The following ANKMY1 variants were observed in gnomAD, a reference collection of about 807,000 sequenced individuals.
ANKMY1 encodes the protein ankyrin repeat and MYND domain containing 1.
In ANKMY1, 98 loss-of-function variants were observed where a neutral mutation model predicts 102.0. That is an observed-to-expected ratio of 0.96 (90% CI 0.82 to 1.14). The LOEUF (loss-of-function observed/expected upper bound fraction) is 1.14. Among genes scored for constraint, ANKMY1 ranks in the 50% most tolerant of loss-of-function variants. The pLI is 0.00. For missense variants in ANKMY1, 1,330 were observed against 1,347.6 expected, an observed-to-expected ratio of 0.99 and a Z score of 0.20; for synonymous variants, 582 against 559.9, an observed-to-expected ratio of 1.04 and a Z score of -0.56.
chr2:240,492,760 G>A (rs1036794569), intron 15 of ANKMY1, among the ~76,000 whole-genome samples: 13 of 151,964 alleles, frequency 8.6e-5, no homozygotes, highest in East Asian at 1.9e-4. Context: ...GCACGATCTC[G>A]GCTCACTGCA....
chr2:240,526,462 T>C lies in ANKMY1; in HGVS notation c.954-17A>G, dbSNP rs938915319. 2.5e-6 allele frequency: 4 copies of C among 1,613,718 alleles called. No individual in the cohort carries two copies. The highest frequency in any genetic ancestry group is 1.3e-5 in the African/African-American group (1 of 74,884). On this transcript the variant is annotated splice_polypyrimidine_tract_variant and intron_variant, in intron 5 of 17. Transcript: ENST00000401804. ...GGCTTGTTCCTGGCAACACAACAAG[T>C]TTCAGTGGTCCTAGACCAGGTTCTG...
rs574380296 is a variant in ANKMY1, at chr2:240,529,778, G to C, written c.481-269C>G. Reference sequence around the variant, plus strand: ...GAGGTCTCAGTGGCCTCTGAGGTGAGGACATGATGGAAGTCTCATGGTGAA... The same window carrying C: ...GAGGTCTCAGTGGCCTCTGAGGTGACGACATGATGGAAGTCTCATGGTGAA... On this transcript the variant is annotated intron_variant, in intron 4 of 17. Coordinates refer to ENST00000401804, the MANE Select transcript of ANKMY1 (RefSeq NM_001282771.3). The surrounding 1 kb of genome is among the most constrained non-coding windows in gnomAD (Gnocchi z 4.2). Among the ~76,000 whole-genome samples, 1 of 152,256 alleles carries C rather than the reference G, an allele frequency of 6.6e-6. No individual in the cohort carries two copies. The highest frequency in any genetic ancestry group is 2.1e-4 in the South Asian group (1 of 4,828).
chr2:240,524,529 C>G, intron 7 of ANKMY1, 148 bp from the exon 8 acceptor site: 3 of 903,832 alleles, frequency 3.3e-6, no homozygotes, highest in Non-Finnish European at 4.9e-6. Flanking sequence ...TTCCCCAAAC[C>G]CTCAAAGAGA....
intron 4 of ANKMY1, 71 bp downstream of exon 4, chr2:240,552,843 A>G: frequency 6.2e-7 from 1 of 1,607,678 alleles, no homozygotes; most frequent in East Asian, 2.2e-5. Context: ...GGACCGAAAT[A>G]TCTTTTTGTC....
chr2:240,504,259 C>A (rs1286951923), intron 13 of ANKMY1, among the ~76,000 whole-genome samples: 2 of 152,220 alleles, frequency 1.3e-5, no homozygotes, highest in African/African-American at 4.8e-5. Context: ...AGCCAGGGCA[C>A]CCCTAGGGTT....
intron 9 of ANKMY1, among the ~76,000 whole-genome samples, chr2:240,519,376 CA>C (rs2081735481): frequency 1.3e-5 from 2 of 152,208 alleles, no homozygotes; most frequent in African/African-American, 4.8e-5. Context: ...TGAAATACAA[CA>C]GATAACGTCA....
At chr2:240,519,465 C>T (rs1292351189) in intron 9 of ANKMY1, among the ~76,000 whole-genome samples, 1 of 152,202 alleles carries the variant, frequency 6.6e-6, no homozygotes, top group Admixed American at 6.5e-5. Context: ...CCCTGTGAAC[C>T]TAACGAGGCC....
chr2:240,551,342 A>G lies in ANKMY1; in HGVS notation c.480+1572T>C, dbSNP rs557419223. Among the ~76,000 whole-genome samples, 3 of 152,306 alleles carry G rather than the reference A, an allele frequency of 2.0e-5. No individual in the cohort carries two copies. The South Asian group carries it at 6.2e-4, about 32-fold the overall frequency. On this transcript the variant is annotated intron_variant, in intron 4 of 17. Coordinates refer to ENST00000401804, the MANE Select transcript of ANKMY1 (RefSeq NM_001282771.3). Reference sequence around the variant, plus strand: ...TCCAGAATTTTTAAACTATTTGTGAATATTCTTAATTCATGGCAACGTGTT... The same window carrying G: ...TCCAGAATTTTTAAACTATTTGTGAGTATTCTTAATTCATGGCAACGTGTT...
intron 15 of ANKMY1, among the ~76,000 whole-genome samples, chr2:240,489,830 G>T (rs2076438661): frequency 1.3e-5 from 2 of 152,336 alleles, no homozygotes; most frequent in South Asian, 4.1e-4. Flanking sequence ...GGTTTCAGGA[G>T]GATTGGTATT....
Position 240,511,962 on chromosome 2 carries a change from G to A in ANKMY1, c.2185C>T (p.Pro729Ser), listed in dbSNP as rs539886342. The change falls in exon 11 of 18, where the codon CCA becomes TCA. Residue 729 changes from proline (P) to serine (S), a missense_variant. Pro to Ser is a moderately conservative substitution (Grantham distance 74). Transcript: ENST00000401804. ...CTGTAGTAGGCTTGGGGAGGGCCTG[G>A]CTCATTGCTGAGCTTCAGACTTGAG... ...LPSSLKLSNEPGPPQAYYSTD... is the reference protein window; with the variant it reads ...LPSSLKLSNESGPPQAYYSTD... The A allele has an allele frequency of 1.3e-5, 20 of 1,564,374 alleles. 1 individual carries two copies. In the Admixed American group the frequency reaches 3.9e-4, roughly 30 times the overall value.
chr2:240,520,504 A>G lies in ANKMY1; in HGVS notation c.1862T>C (p.Leu621Pro). The change falls in exon 9 of 18, where the codon CTG becomes CCG. Residue 621 changes from leucine to proline, a missense_variant. By Grantham distance (98) the Leu-to-Pro change is moderately conservative. Coordinates refer to ENST00000401804, the MANE Select transcript of ANKMY1 (RefSeq NM_001282771.3). The surrounding 1 kb of genome is among the most constrained non-coding windows in gnomAD (Gnocchi z 4.8). Reference protein sequence around the residue: ...ERRKRWRTIKLLLRRGADPNL... With the variant: ...ERRKRWRTIKPLLRRGADPNL... ...GGGGTCCGCGCCCCGGCGCAGCAGC[A>G]GCTTGATGGTCCGCCAGCGCTTCCT... The G allele has an allele frequency of 6.2e-7, 1 of 1,612,882 alleles. No homozygotes were observed. Among genetic ancestry groups the G allele is most frequent in the East Asian group, 2.2e-5 (1 of 44,880 alleles).
intron 4 of ANKMY1, among the ~76,000 whole-genome samples, chr2:240,533,034 G>A (rs1186719808): frequency 6.6e-6 from 1 of 152,192 alleles, no homozygotes; most frequent in African/African-American, 2.4e-5. Context: ...ATGGATCCCA[G>A]TAGCAGCATA....
intron 13 of ANKMY1, 71 bp downstream of exon 13, chr2:240,507,489 C>A: frequency 1.3e-6 from 2 of 1,515,116 alleles, no homozygotes; most frequent in Non-Finnish European, 8.9e-7. Context: ...AGCCCTCACA[C>A]CCCTCACTCA....
chr2:240,483,290 G>A (rs776537210), intron 15 of ANKMY1, among the ~76,000 whole-genome samples: 1 of 152,074 alleles, frequency 6.6e-6, no homozygotes, highest in East Asian at 1.9e-4. Context: ...CTGAGTAGCT[G>A]GGATTACAGG....
chr2:240,520,615 G>A lies in ANKMY1; in HGVS notation c.1833-82C>T. ...AGAACGGGGCCATGCCAGCGAGGAG[G>A]CTGGGGAGGGGCGCGTAGGGAGTAT... On this transcript the variant is annotated intron_variant, in intron 8 of 17. Transcript: ENST00000401804. The surrounding 1 kb of genome is among the most constrained non-coding windows in gnomAD (Gnocchi z 4.8). The A allele has an allele frequency of 2.0e-6, 3 of 1,491,708 alleles. No individual in the cohort carries two copies. Among genetic ancestry groups the A allele is most frequent in the Admixed American group, 2.3e-5 (1 of 42,956 alleles). The allele number at this position is 1,491,708 out of a possible 1,614,324, so 92.4% of individuals were successfully genotyped here.
At chr2:240,478,512 C>G (rs1273787620), downstream of ANKMY1, among the ~76,000 whole-genome samples, 6 of 152,094 alleles carry the variant, frequency 3.9e-5, no homozygotes, top group Non-Finnish European at 8.8e-5. Context: ...CACACAGTTA[C>G]GACCCTCCCA....
chr2:240,498,356 G>A (rs900046725), intron 15 of ANKMY1, among the ~76,000 whole-genome samples: 50 of 151,886 alleles, frequency 3.3e-4, no homozygotes, highest in Non-Finnish European at 6.3e-4. Flanking sequence ...TGGGAGGTGG[G>A]TGTGGGGTGT....
chr2:240,513,453 G>A (rs961131746), intron 9 of ANKMY1, among the ~76,000 whole-genome samples: 4 of 152,258 alleles, frequency 2.6e-5, no homozygotes, highest in Admixed American at 6.5e-5. Flanking sequence ...CAGCCCTGCC[G>A]TCCTAAGGGA....
In ANKMY1 at chr2:240,500,896, C is replaced by T. The variant is rs114075338; in HGVS notation, c.2527-331G>A. Among the ~76,000 whole-genome samples the T allele has an allele frequency of 8.1e-3, 1,231 of 152,364 alleles. 19 individuals are homozygous for T. The highest frequency in any genetic ancestry group is 0.027 in the African/African-American group (1,127 of 41,588). ...CCATTACAGTCCTGCTCCCCTCAGGCTGTCAGTGACATGAGGCAGACACCG... is the reference window on the plus strand; with the variant it reads ...CCATTACAGTCCTGCTCCCCTCAGGTTGTCAGTGACATGAGGCAGACACCG... On this transcript the variant is annotated intron_variant, in intron 13 of 17. Coordinates refer to ENST00000401804, the MANE Select transcript of ANKMY1 (RefSeq NM_001282771.3).
Sources: allele counts gnomAD v4.1 joint callset (sites outside exome capture counted in the v4.1 genomes callset), GRCh38; gene constraint gnomAD v4.1.1; non-coding constraint Gnocchi (gnomAD v3.1); transcripts MANE v1.5; gene names NCBI Gene and HGNC (gene_info 2026-07-23, HGNC 2026-07-21).